The following LPAR6 variants were observed in gnomAD, a reference collection of about 807,000 sequenced individuals.
The protein encoded by LPAR6 is lysophosphatidic acid receptor 6, also known as G-protein coupled purinergic receptor P2Y5.
LPAR6 carries 17 observed loss-of-function variants against 22.0 expected under a neutral mutation model. The observed-to-expected ratio is 0.77, with a 90% confidence interval of 0.53 to 1.16. LPAR6 has a LOEUF of 1.16. Ranked by LOEUF, LPAR6 falls within the 50% of genes most tolerant of loss-of-function variation. The probability of loss-of-function intolerance (pLI) is 0.00; values close to 1 mark genes in which losing one functional copy is unlikely to be tolerated. For synonymous variants in LPAR6, 136 were observed against 139.8 expected (o/e 0.97, Z 0.19); for missense variants, 384 against 406.9 (o/e 0.94, Z 0.48).
chr13:48,391,293 GT>G (rs1262138750), intron 1 of LPAR6: 5 of 152,144 alleles, frequency 3.3e-5, no homozygotes, highest in Non-Finnish European at 5.9e-5. Context: ...TTCGACAGAA[GT>G]TATAAGCTCT....
At chr13:48,434,185 G>A (rs1755893384) in intron 1 of LPAR6, among the ~76,000 whole-genome samples, 1 of 151,938 alleles carries the variant, frequency 6.6e-6, no homozygotes, top group Non-Finnish European at 1.5e-5. Context: ...GGTGGCTCAT[G>A]CCTGTAATCC....
chr13:48,399,807 C>G (rs1948676665), intron 1 of LPAR6, among the ~76,000 whole-genome samples: 1 of 151,966 alleles, frequency 6.6e-6, no homozygotes. Context: ...TACCTGAGTC[C>G]TATGTCTGAT....
At chr13:48,400,902 G>A (rs1250636386) in intron 1 of LPAR6, among the ~76,000 whole-genome samples, 2 of 152,010 alleles carry the variant, frequency 1.3e-5, no homozygotes, top group Non-Finnish European at 2.9e-5. Context: ...GTTTATCTTG[G>A]CTTACTATAA....
chr13:48,409,087 T>C (rs1428602214), downstream of LPAR6, among the ~76,000 whole-genome samples: 1 of 151,862 alleles, frequency 6.6e-6, no homozygotes. Flanking sequence ...TATATATTTC[T>C]CTTGGGATAT....
upstream of LPAR6, among the ~76,000 whole-genome samples, chr13:48,416,913 C>A (rs1401239775): frequency 6.6e-6 from 1 of 152,184 alleles, no homozygotes; most frequent in Non-Finnish European, 1.5e-5. Context: ...GGCAGCAGCC[C>A]CAGTCAGGGG....
intron 1 of LPAR6, among the ~76,000 whole-genome samples, chr13:48,394,588 G>C (rs1281852969): frequency 2.6e-5 from 4 of 152,120 alleles, no homozygotes; most frequent in Admixed American, 6.5e-5. Context: ...CCCCATTACT[G>C]AGGCTTGAGT....
chr13:48,434,610 T>C (rs962995494), intron 1 of LPAR6, among the ~76,000 whole-genome samples: 2 of 151,958 alleles, frequency 1.3e-5, no homozygotes, highest in Admixed American at 6.6e-5. Flanking sequence ...ACCAGGCCTG[T>C]AGAGAGACAC....
chr13:48,432,319 A>G (rs891821945), intron 1 of LPAR6, among the ~76,000 whole-genome samples: 3 of 151,742 alleles, frequency 2.0e-5, no homozygotes, highest in Non-Finnish European at 4.4e-5. Flanking sequence ...TTTGGGGCAA[A>G]TAGAAATTTC....
rs763281208 is a variant in LPAR6 at position 48,411,557 on chromosome 13, T to C, written c.867A>G (p.Ile289Met). Residue 289 changes from isoleucine (I) to methionine (M), a missense_variant, in exon 1 of 1, where the codon ATA (isoleucine) becomes ATG (methionine). Transcript: ENST00000620633. Reference sequence around the variant, plus strand: ...TTGTGTCCGATGTAAAGTAGTAAACTATAGGGTCAAAACAACAGTTGGAAA... The same window carrying C: ...TTGTGTCCGATGTAAAGTAGTAAACCATAGGGTCAAAACAACAGTTGGAAA... ...IAVSNCCFDP[I>M]VYYFTSDTIQ... 1.8e-5 allele frequency: 29 copies of C among 1,613,792 alleles called. No individual in the cohort carries two copies. Among genetic ancestry groups the C allele is most frequent in the Non-Finnish European group, 2.5e-5 (29 of 1,179,862 alleles).
chr13:48,435,627 C>A (rs2138290715), intron 1 of LPAR6, among the ~76,000 whole-genome samples: 1 of 152,182 alleles, frequency 6.6e-6, no homozygotes, highest in South Asian at 2.1e-4. Flanking sequence ...GGTGTCAAAT[C>A]TAAGAACTCC....
At position 48,412,287 on chromosome 13, in the gene LPAR6, A is replaced by G. The variant is rs550320758; in HGVS notation, c.137T>C (p.Leu46Pro). 2 of 1,613,974 alleles carry G rather than the reference A, an allele frequency of 1.2e-6. No individual in the cohort carries two copies. Among genetic ancestry groups the G allele is most frequent in the African/African-American group, 1.3e-5 (1 of 75,052 alleles). ...AGTTGTAGTTTCATTTCGGACTTTGAGGACGCAGATGAAAATGTATATGGC... is the reference window on the plus strand; with the variant it reads ...AGTTGTAGTTTCATTTCGGACTTTGGGGACGCAGATGAAAATGTATATGGC... ...CVAIYIFICV[L>P]KVRNETTTYM... The change falls in exon 1 of 1, where the codon CTC becomes CCC. Residue 46 changes from leucine to proline, a missense_variant. Physicochemically the swap from Leu to Pro is moderately conservative, Grantham distance 98. Transcript: ENST00000620633.
chr13:48,426,390 C>G (rs1030088237), intron 1 of LPAR6, among the ~76,000 whole-genome samples: 1 of 152,140 alleles, frequency 6.6e-6, no homozygotes, highest in Non-Finnish European at 1.5e-5. Context: ...ATTTGGTATG[C>G]CTTTTTTAGC....
upstream of LPAR6, among the ~76,000 whole-genome samples, chr13:48,429,868 G>A (rs1284248026): frequency 6.6e-6 from 1 of 152,164 alleles, no homozygotes; most frequent in Non-Finnish European, 1.5e-5. Context: ...AGTGCAGGAT[G>A]TAGATGAAAA....
upstream of LPAR6, among the ~76,000 whole-genome samples, chr13:48,418,015 C>T (rs1208964663): frequency 1.3e-5 from 2 of 152,168 alleles, no homozygotes; most frequent in Non-Finnish European, 2.9e-5. Context: ...CATTCCAATT[C>T]AGGAAATACA....
At chr13:48,423,657 C>G (rs1949040183) in intron 1 of LPAR6, among the ~76,000 whole-genome samples, 1 of 151,946 alleles carries the variant, frequency 6.6e-6, no homozygotes, top group Non-Finnish European at 1.5e-5. Flanking sequence ...TTGTACATAA[C>G]ATTGAGAACA....
chr13:48,434,204 T>C (rs1003028634), intron 1 of LPAR6, among the ~76,000 whole-genome samples: 1 of 151,958 alleles, frequency 6.6e-6, no homozygotes, highest in African/African-American at 2.4e-5. Flanking sequence ...CCTTACACTT[T>C]GGGAGGCTGA....
At chr13:48,393,770 T>A (rs769775814) in intron 1 of LPAR6, among the ~76,000 whole-genome samples, 1 of 152,006 alleles carries the variant, frequency 6.6e-6, no homozygotes. Flanking sequence ...AACTATTTTT[T>A]TGTATTAAAT....
chr13:48,443,628 T>G (rs1949259431), intron 1 of LPAR6, among the ~76,000 whole-genome samples: 1 of 152,202 alleles, frequency 6.6e-6, no homozygotes, highest in African/African-American at 2.4e-5. Flanking sequence ...AGACACATCA[T>G]TCTATTTTGC....
intron 1 of LPAR6, among the ~76,000 whole-genome samples, chr13:48,405,742 G>GA (rs1948734087): frequency 6.6e-6 from 1 of 152,160 alleles, no homozygotes; most frequent in South Asian, 2.1e-4. Flanking sequence ...GGTATAATCT[G>GA]AAAAATGTCA....
Sources: gnomAD v4.1 joint callset for allele counts (sites outside exome capture counted in the v4.1 genomes callset) on GRCh38, gnomAD v4.1.1 for gene constraint, MANE v1.5 for transcripts, NCBI Gene and HGNC (gene_info 2026-07-23, HGNC 2026-07-21) for gene names.